CYTH3: variants seen among roughly 807,000 people sequenced by gnomAD.
CYTH3 encodes the protein cytohesin 3.
A neutral mutation model predicts 55.1 loss-of-function variants in CYTH3; 23 were observed. The ratio of observed to expected loss-of-function variants is 0.42; its 90% CI spans 0.30 to 0.59. CYTH3 has a LOEUF of 0.59. CYTH3 is among the 20% of genes least tolerant of loss of function. CYTH3 has a pLI of 0.20. For synonymous variants in CYTH3, 249 were observed against 194.9 expected (o/e 1.28, Z -2.31); for missense variants, 413 against 524.8 (o/e 0.79, Z 2.08).
intron 1 of CYTH3, among the ~76,000 whole-genome samples, chr7:6,204,650 G>C (rs1045603506): frequency 7.2e-5 from 11 of 152,206 alleles, no homozygotes; most frequent in African/African-American, 2.7e-4. Context: ...GGTTGCAGGA[G>C]TTGCCTAGCA....
intron 5 of CYTH3, among the ~76,000 whole-genome samples, chr7:6,176,497 G>C (rs1783355543): frequency 6.6e-6 from 1 of 152,030 alleles, no homozygotes; most frequent in South Asian, 2.1e-4. Flanking sequence ...TCCTGACCTT[G>C]TGATCTGCCC....
chr7:6,232,082 C>T (rs1779402637), intron 1 of CYTH3, among the ~76,000 whole-genome samples: 1 of 152,204 alleles, frequency 6.6e-6, no homozygotes, highest in South Asian at 2.1e-4. Context: ...CACCAAGATG[C>T]ACCTTTTTTT....
intron 1 of CYTH3, 40 bp downstream of exon 1, chr7:6,272,434 C>T: frequency 7.5e-7 from 1 of 1,334,728 alleles, no homozygotes; most frequent in Non-Finnish European, 9.7e-7. Flanking sequence ...GGCCCCCGAC[C>T]CCAGGCCGCC....
intron 1 of CYTH3, among the ~76,000 whole-genome samples, chr7:6,252,298 G>A (rs1471098280): frequency 4.6e-5 from 7 of 152,172 alleles, no homozygotes; most frequent in Non-Finnish European, 7.3e-5. Flanking sequence ...TACAAGAGGA[G>A]CGTTTAGTTC....
chr7:6,225,012 A>G, intron 1 of CYTH3, among the ~76,000 whole-genome samples: 1 of 152,358 alleles, frequency 6.6e-6, no homozygotes, highest in East Asian at 1.9e-4. Context: ...TAGAGACAGA[A>G]ACCACATTAG....
intron 4 of CYTH3, among the ~76,000 whole-genome samples, chr7:6,178,881 T>C (rs1783409749): frequency 6.6e-6 from 1 of 152,168 alleles, no homozygotes; most frequent in South Asian, 2.1e-4. Context: ...AACCTATTAA[T>C]AGAAATGTTT....
At chr7:6,217,367 G>C (rs982407586) in intron 1 of CYTH3, among the ~76,000 whole-genome samples, 1 of 152,108 alleles carries the variant, frequency 6.6e-6, no homozygotes, top group African/African-American at 2.4e-5. Context: ...TATATTGGCT[G>C]AAGTAAAAGG....
chr7:6,238,166 G>A (rs779867955), intron 1 of CYTH3, among the ~76,000 whole-genome samples: 9 of 152,168 alleles, frequency 5.9e-5, no homozygotes, highest in Non-Finnish European at 8.8e-5. Flanking sequence ...GAATAAGAAT[G>A]AACTACTACT....
chr7:6,185,416 C>G (rs1414513557), intron 4 of CYTH3, among the ~76,000 whole-genome samples: 1 of 151,022 alleles, frequency 6.6e-6, no homozygotes, highest in African/African-American at 2.5e-5. Context: ...TGAAACTGGG[C>G]CGGGTGCACT....
intron 1 of CYTH3, among the ~76,000 whole-genome samples, chr7:6,236,744 G>T (rs1312288857): frequency 1.3e-5 from 2 of 151,924 alleles, no homozygotes; most frequent in African/African-American, 4.8e-5. Context: ...TGTATTTTTA[G>T]TAGAGACAAA....
chr7:6,230,339 A>T (rs1417812762), intron 1 of CYTH3, among the ~76,000 whole-genome samples: 1 of 152,166 alleles, frequency 6.6e-6, no homozygotes, highest in Admixed American at 6.5e-5. Flanking sequence ...CATAAAGCAG[A>T]GTCTCAGGCA....
chr7:6,242,593 T>A (rs1430177422), intron 1 of CYTH3, among the ~76,000 whole-genome samples: 1 of 151,682 alleles, frequency 6.6e-6, no homozygotes, highest in Non-Finnish European at 1.5e-5. Flanking sequence ...GCCAGGCTGG[T>A]CTCAAACTCC....
At chr7:6,177,645 G>A (rs531376686) in intron 5 of CYTH3, among the ~76,000 whole-genome samples, 178 bp downstream of exon 5, 17 of 152,364 alleles carry the variant, frequency 1.1e-4, no homozygotes, top group African/African-American at 3.4e-4. Flanking sequence ...CCATGGACAC[G>A]GGAGAGGAAC....
At chr7:6,253,421 C>G (rs1176266720) in intron 1 of CYTH3, among the ~76,000 whole-genome samples, 1 of 151,336 alleles carries the variant, frequency 6.6e-6, no homozygotes, top group Non-Finnish European at 1.5e-5. Flanking sequence ...GTTGGCCAGG[C>G]TGGTCTTGAA....
intron 5 of CYTH3, among the ~76,000 whole-genome samples, chr7:6,174,202 C>T (rs56409112): frequency 0.097 from 14,765 of 152,092 alleles, 824 homozygotes; most frequent in Non-Finnish European, 0.12. Flanking sequence ...AAATCTCTGC[C>T]TCCTGGGTTC....
chr7:6,205,501 G>A (rs1038806418), intron 1 of CYTH3, among the ~76,000 whole-genome samples: 8 of 149,004 alleles, frequency 5.4e-5, no homozygotes, highest in Non-Finnish European at 1.0e-4. Flanking sequence ...TTGAACCCAG[G>A]AGGTAGAAGT....
intron 4 of CYTH3, among the ~76,000 whole-genome samples, chr7:6,180,505 G>A (rs1028214713): frequency 1.3e-5 from 2 of 152,178 alleles, no homozygotes; most frequent in East Asian, 1.9e-4. Flanking sequence ...GGTGGCAGCC[G>A]CCAGGAGCGA....
intron 1 of CYTH3, among the ~76,000 whole-genome samples, chr7:6,268,263 G>A (rs1157057752): frequency 6.6e-6 from 1 of 152,120 alleles, no homozygotes; most frequent in Admixed American, 6.6e-5. Flanking sequence ...CACCTCCCAG[G>A]CTCAAGCGAT....
chr7:6,169,705 C>G lies in CYTH3; in HGVS notation c.823+830G>C, dbSNP rs1783115851. On this transcript the variant is annotated intron_variant, in intron 9 of 12. Transcript: ENST00000350796. This position sits in a 1 kb window ranked among gnomAD's most constrained non-coding sequence, Gnocchi z 4.1. ...ATTTCTAAAACTGCCCGTAATTGCCCTAAATTGCTCCAAAGGCCTTTAGAG... is the reference window on the plus strand; with the variant it reads ...ATTTCTAAAACTGCCCGTAATTGCCGTAAATTGCTCCAAAGGCCTTTAGAG... Among the ~76,000 whole-genome samples the G allele has an allele frequency of 1.3e-5, 2 of 152,188 alleles. No individual in the cohort carries two copies. The highest frequency in any genetic ancestry group is 2.4e-5 in the African/African-American group (1 of 41,442).
Sources: allele counts gnomAD v4.1 joint callset (sites outside exome capture counted in the v4.1 genomes callset), GRCh38; gene constraint gnomAD v4.1.1; non-coding constraint Gnocchi (gnomAD v3.1); transcripts MANE v1.5; gene names NCBI Gene and HGNC (gene_info 2026-07-23, HGNC 2026-07-21).